SLC8A1: variants seen among roughly 807,000 people sequenced by gnomAD.
The protein encoded by SLC8A1 is sodium/calcium exchanger 1.
In SLC8A1, 18 loss-of-function variants were observed where a neutral mutation model predicts 68.3. The observed-to-expected ratio is 0.26, with a 90% CI of 0.18 to 0.39. The LOEUF (loss-of-function observed/expected upper bound fraction) is 0.39, where lower values mean the gene tolerates loss of function less well. Among genes scored for constraint, SLC8A1 ranks in the 10% least tolerant of loss-of-function variants. The pLI is 1.00. For missense variants in SLC8A1, 985 were observed against 1,156.7 expected (o/e 0.85, Z 2.15); for synonymous variants, 475 against 415.5 (o/e 1.14, Z -1.74).
At chr2:40,118,484 C>T (rs868721334) in intron 7 of SLC8A1, 1 of 151,790 alleles carries the variant, frequency 6.6e-6, no homozygotes, top group Admixed American at 6.6e-5. Context: ...TCACACAGCC[C>T]AATCAACTAT....
intron 6 of SLC8A1, among the ~76,000 whole-genome samples, chr2:40,153,357 G>C (rs988732297): frequency 3.3e-5 from 5 of 152,086 alleles, no homozygotes; most frequent in African/African-American, 1.2e-4. Flanking sequence ...ATAACTAATT[G>C]GTGGCTGCAC....
At chr2:40,469,731 T>A (rs548727232) in intron 1 of SLC8A1, among the ~76,000 whole-genome samples, 1 of 152,280 alleles carries the variant, frequency 6.6e-6, no homozygotes, top group Admixed American at 6.5e-5. Context: ...TTCCTATATA[T>A]GTTTATAAGC....
intron 2 of SLC8A1, among the ~76,000 whole-genome samples, chr2:40,344,533 C>T (rs1013607188): frequency 6.6e-6 from 1 of 152,012 alleles, no homozygotes; most frequent in African/African-American, 2.4e-5. Context: ...AGTAAGACAC[C>T]CAGACTCACT....
intron 1 of SLC8A1, among the ~76,000 whole-genome samples, chr2:40,472,247 C>A (rs1704029664): frequency 6.6e-6 from 1 of 152,188 alleles, no homozygotes; most frequent in African/African-American, 2.4e-5. Flanking sequence ...AGCCTAACAA[C>A]TTCTATGTCT....
intron 1 of SLC8A1, among the ~76,000 whole-genome samples, chr2:40,481,754 A>G (rs1279864716): frequency 6.6e-6 from 1 of 152,182 alleles, no homozygotes; most frequent in Non-Finnish European, 1.5e-5. Context: ...ACATGCTGAA[A>G]AGTGAGATGC....
chr2:40,482,972 T>A (rs1704736611), intron 1 of SLC8A1, among the ~76,000 whole-genome samples: 1 of 147,044 alleles, frequency 6.8e-6, no homozygotes, highest in African/African-American at 2.5e-5. Flanking sequence ...TTTTTTTTTC[T>A]TTTTTGCATT....
chr2:40,160,655 T>G, intron 6 of SLC8A1, 110 bp downstream of exon 9: 2 of 851,954 alleles, frequency 2.3e-6, no homozygotes, highest in South Asian at 2.9e-5. Context: ...CTCCCTTAAT[T>G]TTGCCATGGA....
intron 5 of SLC8A1, among the ~76,000 whole-genome samples, chr2:40,163,547 G>T (rs1384964736): frequency 2.0e-5 from 3 of 152,168 alleles, no homozygotes; most frequent in Non-Finnish European, 4.4e-5. Context: ...GACAGTCTGA[G>T]ATTCCCCGAC....
rs559475820 is a variant in SLC8A1, at chr2:40,160,661, A to C, written c.2161+104T>G. 6.3e-5 allele frequency: 59 copies of C among 932,380 alleles called. No homozygotes were observed. The African/African-American group carries it at 9.5e-4, about 15-fold the overall frequency. 57.8% of individuals were successfully genotyped at this position (932,380 alleles called of 1,614,324 possible). A position where few individuals can be genotyped will look rare whatever the true frequency, so the allele number is the denominator to read the frequency against. ...AACTTATTTCTCCCTTAATTTTGCC[A>C]TGGAAGCCCTTTGGTGCTTTGCCAT... is the stretch of plus-strand genomic sequence containing the variant. On this transcript the variant is annotated intron_variant, in intron 6 of 7. Transcript: ENST00000406785.
intron 1 of SLC8A1, among the ~76,000 whole-genome samples, chr2:40,435,037 T>A (rs1266779158): frequency 6.6e-6 from 1 of 152,116 alleles, no homozygotes; most frequent in Non-Finnish European, 1.5e-5. Flanking sequence ...AAGGAGGACG[T>A]GACTCAGAGC....
At chr2:40,469,280 T>C (rs1703872812) in intron 1 of SLC8A1, among the ~76,000 whole-genome samples, 1 of 152,230 alleles carries the variant, frequency 6.6e-6, no homozygotes. Flanking sequence ...TGGGAGGTGA[T>C]TGGATTATGG....
At chr2:40,508,410 T>C (rs1014090996) in intron 1 of SLC8A1, among the ~76,000 whole-genome samples, 1 of 151,874 alleles carries the variant, frequency 6.6e-6, no homozygotes, top group African/African-American at 2.4e-5. Context: ...TTTGCCAATG[T>C]TTTAGAAAAT....
At chr2:40,178,620 C>G (rs72558063) in intron 2 of SLC8A1, 127 bp from the exon 3 acceptor site, 19 of 756,390 alleles carry the variant, frequency 2.5e-5, no homozygotes, top group Non-Finnish European at 4.0e-5. Context: ...AACTTCTGTA[C>G]TGTGAGTTTT....
chr2:40,404,133 T>C (rs1689612289), intron 2 of SLC8A1, among the ~76,000 whole-genome samples: 1 of 152,118 alleles, frequency 6.6e-6, no homozygotes, highest in East Asian at 1.9e-4. Context: ...TGGGCTCAAG[T>C]GATCCTCTAC....
chr2:40,166,067 T>A (rs895736859), intron 4 of SLC8A1, among the ~76,000 whole-genome samples: 2 of 152,324 alleles, frequency 1.3e-5, no homozygotes, highest in Non-Finnish European at 2.9e-5. Flanking sequence ...CAGGGGGCTG[T>A]TGACTAAAAA....
chr2:40,381,299 T>A (rs4952614), intron 2 of SLC8A1, among the ~76,000 whole-genome samples: 9 of 151,760 alleles, frequency 5.9e-5, no homozygotes, highest in Non-Finnish European at 7.4e-5. Flanking sequence ...ACCCACATGC[T>A]TGGCTGAAAT....
chr2:40,487,221 A>T (rs1705025996), intron 1 of SLC8A1, among the ~76,000 whole-genome samples: 1 of 152,080 alleles, frequency 6.6e-6, no homozygotes, highest in Non-Finnish European at 1.5e-5. Flanking sequence ...CTTCCTGAGG[A>T]GGTAGCATGT....
chr2:40,424,826 T>G (rs1696435586), intron 2 of SLC8A1, among the ~76,000 whole-genome samples: 1 of 152,012 alleles, frequency 6.6e-6, no homozygotes. Flanking sequence ...GGGCTATAAC[T>G]AATTAAATTT....
intron 1 of SLC8A1, among the ~76,000 whole-genome samples, chr2:40,468,529 T>C (rs1301530345): frequency 6.6e-6 from 1 of 152,194 alleles, no homozygotes; most frequent in Admixed American, 6.5e-5. Context: ...TTTTAATTTC[T>C]GCTTAATTAA....
Sources: gnomAD v4.1 joint callset for allele counts (sites outside exome capture counted in the v4.1 genomes callset) on GRCh38, gnomAD v4.1.1 for gene constraint, MANE v1.5 for transcripts, NCBI Gene and HGNC (gene_info 2026-07-23, HGNC 2026-07-21) for gene names.